CREB5: variants seen among roughly 807,000 people sequenced by gnomAD.
The protein encoded by CREB5 is cAMP responsive element binding protein 5.
A neutral mutation model predicts 57.1 loss-of-function variants in CREB5; 19 were observed. The observed-to-expected ratio is 0.33, with a 90% CI of 0.23 to 0.49. The LOEUF is 0.49. Among genes scored for constraint, CREB5 ranks in the 20% least tolerant of loss-of-function variants. The pLI is 0.99. For synonymous variants in CREB5, 238 were observed against 238.3 expected (o/e 1.00, Z 0.01); for missense variants, 579 against 671.6 (o/e 0.86, Z 1.52).
intron 7 of CREB5, among the ~76,000 whole-genome samples, chr7:28,726,201 C>A (rs1028891106): frequency 3.9e-5 from 6 of 152,076 alleles, no homozygotes; most frequent in African/African-American, 1.2e-4. Flanking sequence ...TTTCCAGGTC[C>A]ACAGCATCTG....
chr7:28,713,214 T>A (rs1221258444), intron 5 of CREB5, among the ~76,000 whole-genome samples: 1 of 152,162 alleles, frequency 6.6e-6, no homozygotes, highest in Non-Finnish European at 1.5e-5. Context: ...TTTTTGTATT[T>A]TTTTTTAATA....
intron 1 of CREB5, among the ~76,000 whole-genome samples, chr7:28,487,453 G>A (rs1791612274): frequency 6.6e-6 from 1 of 152,136 alleles, no homozygotes; most frequent in African/African-American, 2.4e-5. Context: ...ACCTTAATCT[G>A]CTGTTAATTT....
At chr7:28,667,832 T>C (rs1799884967) in intron 5 of CREB5, among the ~76,000 whole-genome samples, 1 of 152,218 alleles carries the variant, frequency 6.6e-6, no homozygotes, top group Non-Finnish European at 1.5e-5. Context: ...ATACTTTTCT[T>C]TGAGAAATAT....
chr7:28,770,330 A>G (rs1806254250), intron 7 of CREB5, among the ~76,000 whole-genome samples: 1 of 152,180 alleles, frequency 6.6e-6, no homozygotes, highest in East Asian at 1.9e-4. Context: ...GCTTCTAGCT[A>G]CTAGTAAGCT....
intron 4 of CREB5, among the ~76,000 whole-genome samples, chr7:28,528,405 G>GAT (rs1793540969): frequency 6.6e-6 from 1 of 152,180 alleles, no homozygotes; most frequent in African/African-American, 2.4e-5. Flanking sequence ...ACTTCAGTGT[G>GAT]CTATACAAAT....
intron 7 of CREB5, among the ~76,000 whole-genome samples, chr7:28,726,070 T>C (rs1056793522): frequency 2.0e-5 from 3 of 152,218 alleles, no homozygotes; most frequent in South Asian, 2.1e-4. Context: ...ATCATGTCAG[T>C]TGGAAACAAA....
At chr7:28,316,127 C>T (rs981719133) in intron 1 of CREB5, among the ~76,000 whole-genome samples, 3 of 152,126 alleles carry the variant, frequency 2.0e-5, no homozygotes, top group Admixed American at 6.5e-5. Context: ...GATGCCATTG[C>T]GATTCTGTGG....
upstream of CREB5, chr7:28,410,876 T>A (rs1239636308): frequency 7.1e-6 from 2 of 283,224 alleles, no homozygotes; most frequent in Non-Finnish European, 1.4e-5. Flanking sequence ...AACACACTCG[T>A]GCAATCGCCG....
intron 1 of CREB5, among the ~76,000 whole-genome samples, chr7:28,485,831 G>C (rs77406589): frequency 3.4e-5 from 5 of 147,400 alleles, no homozygotes; most frequent in African/African-American, 1.1e-4. Context: ...CAGCTTTAAA[G>C]TCACCTCTTA....
Position 28,764,550 on chromosome 7 carries a change from A to G in CREB5, c.703-39649A>G, listed in dbSNP as rs1805850664. 2.0e-5 allele frequency among the ~76,000 whole-genome samples: 3 copies of G among 152,180 alleles called. 1 individual carries two copies. The highest frequency in any genetic ancestry group is 2.0e-4 in the Admixed American group (3 of 15,274). On this transcript the variant is annotated intron_variant, in intron 7 of 10. Transcript: ENST00000357727. ...AAATATTCGTGTTGGATGGTCTTAG[A>G]CTATTTGATTTCGGTGGGTTGAAAG...
chr7:28,328,088 C>A (rs973554910), intron 1 of CREB5, among the ~76,000 whole-genome samples: 3 of 152,114 alleles, frequency 2.0e-5, no homozygotes, highest in African/African-American at 7.2e-5. Flanking sequence ...ACACATGGGC[C>A]TATCTCCTAC....
chr7:28,701,825 C>T (rs771350318), intron 5 of CREB5, among the ~76,000 whole-genome samples: 15 of 151,958 alleles, frequency 9.9e-5, no homozygotes, highest in Admixed American at 1.3e-4. Context: ...GTTTCCAGGA[C>T]GTTGTAAAAC....
chr7:28,440,005 G>A (rs1327966490), intron 1 of CREB5, among the ~76,000 whole-genome samples: 1 of 152,186 alleles, frequency 6.6e-6, no homozygotes, highest in Non-Finnish European at 1.5e-5. Flanking sequence ...AGCTGGAACA[G>A]GCTCATCTTT....
At chr7:28,788,377 C>T (rs1454756681) in intron 7 of CREB5, among the ~76,000 whole-genome samples, 1 of 152,182 alleles carries the variant, frequency 6.6e-6, no homozygotes, top group Admixed American at 6.5e-5. Flanking sequence ...GGGTTAACTA[C>T]ATAGATTTGA....
At chr7:28,304,814 G>A (rs530376257) in intron 1 of CREB5, among the ~76,000 whole-genome samples, 2 of 152,258 alleles carry the variant, frequency 1.3e-5, no homozygotes, top group South Asian at 2.1e-4. Context: ...GAAAAAGCAG[G>A]CTGTAGGACA....
intron 3 of CREB5, among the ~76,000 whole-genome samples, chr7:28,502,001 A>G (rs1266315654): frequency 6.6e-6 from 1 of 152,088 alleles, no homozygotes; most frequent in African/African-American, 2.4e-5. Context: ...AGGGTGTTCC[A>G]TCTCCCCACT....
chr7:28,469,881 A>C (rs183546565), intron 1 of CREB5, among the ~76,000 whole-genome samples: 4 of 152,288 alleles, frequency 2.6e-5, no homozygotes, highest in Admixed American at 2.6e-4. Context: ...ATTTGAACCC[A>C]TGTACTCTTT....
At chr7:28,484,677 C>T (rs752362889) in intron 1 of CREB5, among the ~76,000 whole-genome samples, 1 of 152,188 alleles carries the variant, frequency 6.6e-6, no homozygotes, top group Non-Finnish European at 1.5e-5. Context: ...TTGATACAGA[C>T]TCACTTATGT....
At chr7:28,587,660 C>T (rs1281015839) in intron 5 of CREB5, among the ~76,000 whole-genome samples, 1 of 152,072 alleles carries the variant, frequency 6.6e-6, no homozygotes, top group African/African-American at 2.4e-5. Flanking sequence ...AAATTTGGAC[C>T]AATTTCCTGT....
Sources: gnomAD v4.1 joint callset for allele counts (sites outside exome capture counted in the v4.1 genomes callset) on GRCh38, gnomAD v4.1.1 for gene constraint, MANE v1.5 for transcripts, NCBI Gene and HGNC (gene_info 2026-07-23, HGNC 2026-07-21) for gene names.